Variants in GSK3B observed in about 807,000 individuals in gnomAD.
The protein encoded by GSK3B is glycogen synthase kinase 3 beta, also known as glycogen synthase kinase-3 beta.
In GSK3B, 15 loss-of-function variants were observed where a neutral mutation model predicts 56.4. That is an observed-to-expected ratio of 0.27 (90% CI 0.18 to 0.41). GSK3B has a LOEUF of 0.41. GSK3B is among the 10% of genes least tolerant of loss of function. The pLI is 1.00. For missense variants in GSK3B, 300 were observed against 513.4 expected (o/e 0.58, Z 4.02); for synonymous variants, 181 against 188.9 (o/e 0.96, Z 0.34).
intron 3 of GSK3B, among the ~76,000 whole-genome samples, chr3:119,934,193 G>A (rs1423595146): frequency 6.6e-6 from 1 of 152,212 alleles, no homozygotes; most frequent in Non-Finnish European, 1.5e-5. Context: ...TATGGAAAGA[G>A]TGGGGAAAAG....
chr3:120,034,426 T>C (rs2058005171), intron 1 of GSK3B, among the ~76,000 whole-genome samples: 1 of 152,212 alleles, frequency 6.6e-6, no homozygotes, highest in Non-Finnish European at 1.5e-5. Flanking sequence ...GGAGTTAAAC[T>C]TCATTCATTT....
rs992366655 is a variant in GSK3B at position 120,093,896 on chromosome 3, T to C, written c.-462A>G. ...ACGCTTGAAGAGAAAGGGGGATGGG[T>C]AGGAGGGAGGGAGAGGGAGGGAGGG... On this transcript the variant is annotated 5_prime_UTR_variant, in exon 1 of 11. Coordinates refer to ENST00000264235, the MANE Select transcript of GSK3B (RefSeq NM_001146156.2). 1.8e-5 allele frequency: 3 copies of C among 168,498 alleles called. No homozygotes were observed. The highest frequency in any genetic ancestry group is 2.0e-4 in the South Asian group (1 of 5,120). The allele number at this position is 168,498 out of a possible 1,614,324, so 10.4% of individuals were successfully genotyped here.
At chr3:120,004,294 G>A (rs980579607) in intron 1 of GSK3B, among the ~76,000 whole-genome samples, 1 of 152,220 alleles carries the variant, frequency 6.6e-6, no homozygotes, top group Non-Finnish European at 1.5e-5. Flanking sequence ...CACCACAGCT[G>A]AGCAAGGCCT....
intron 9 of GSK3B, among the ~76,000 whole-genome samples, chr3:119,855,283 C>T (rs2056002319): frequency 6.6e-6 from 1 of 152,132 alleles, no homozygotes; most frequent in Non-Finnish European, 1.5e-5. Flanking sequence ...AAGGAGATAC[C>T]ATCTCACACC....
intron 10 of GSK3B, among the ~76,000 whole-genome samples, chr3:119,841,269 T>C (rs181936222): frequency 6.6e-6 from 1 of 152,342 alleles, no homozygotes; most frequent in East Asian, 1.9e-4. Context: ...AATCAGGTTA[T>C]ACTAGGCTCC....
At chr3:119,969,770 T>C (rs1576237557) in intron 2 of GSK3B, among the ~76,000 whole-genome samples, 1 of 152,228 alleles carries the variant, frequency 6.6e-6, no homozygotes, top group Non-Finnish European at 1.5e-5. Flanking sequence ...TCTAAACATT[T>C]ATCCACGGTT....
At position 119,826,313 on chromosome 3, in the gene GSK3B, T is replaced by A. The variant is rs2055504496; in HGVS notation, c.*475A>T. ...AGTGACATTTAAGTCCCCGTTGAGT[T>A]ATACCTGCTAAGCTCCCAACCAATT... On this transcript the variant is annotated 3_prime_UTR_variant, in exon 11 of 11. Transcript: ENST00000264235. 3.3e-6 allele frequency: 1 copy of A among 305,256 alleles called. No individual in the cohort carries two copies. Among genetic ancestry groups the A allele is most frequent in the Non-Finnish European group, 6.2e-6 (1 of 161,706 alleles). 18.9% of individuals were successfully genotyped at this position (305,256 alleles called of 1,614,324 possible).
intron 4 of GSK3B, among the ~76,000 whole-genome samples, chr3:119,920,248 C>G (rs1346356696): frequency 6.6e-6 from 1 of 151,928 alleles, no homozygotes. Flanking sequence ...AGGAATTATT[C>G]AATTTTTTTG....
intron 2 of GSK3B, among the ~76,000 whole-genome samples, chr3:119,971,802 A>G (rs896979766): frequency 4.3e-4 from 64 of 150,416 alleles, no homozygotes; most frequent in East Asian, 1.4e-3. Flanking sequence ...TAGTAGAGAC[A>G]GGGTTTCACC....
At position 119,937,160 on chromosome 3, in the gene GSK3B, C is replaced by T. The variant is rs149543937; in HGVS notation, c.366+10108G>A. On this transcript the variant is annotated intron_variant, in intron 3 of 10. Transcript: ENST00000264235. Reference sequence around the variant, plus strand: ...CCAATGGTTTAAAGAAGATAACAGACAACACACTTGCTATAGTTTGGACTG... The same window carrying T: ...CCAATGGTTTAAAGAAGATAACAGATAACACACTTGCTATAGTTTGGACTG... 1.6e-3 allele frequency among the ~76,000 whole-genome samples: 246 copies of T among 152,168 alleles called. 9 individuals carry two copies. The highest frequency in any genetic ancestry group is 5.7e-3 in the African/African-American group (235 of 41,442).
At chr3:119,953,582 C>T (rs1286009920) in intron 2 of GSK3B, among the ~76,000 whole-genome samples, 1 of 152,150 alleles carries the variant, frequency 6.6e-6, no homozygotes, top group Non-Finnish European at 1.5e-5. Flanking sequence ...AAGATAAAGT[C>T]TAAATCACTT....
Position 120,015,649 on chromosome 3 carries a change from C to CAA in GSK3B, c.89-13412_89-13411dup, listed in dbSNP as rs61520236. Among the ~76,000 whole-genome samples, 54 of 46,944 alleles carry CAA rather than the reference C, an allele frequency of 1.2e-3. 4 individuals carry two copies. Among genetic ancestry groups the CAA allele is most frequent in the East Asian group, 1.6e-3 (2 of 1,266 alleles). 30.8% of individuals were successfully genotyped at this position (46,944 alleles called of 152,430 possible). The stretch of plus-strand genomic sequence containing the variant: ...TGGGAGACAGGGTGAGACTCTGTCT[C>CAA]AAAAAAAAAAAAAAAAAAAAAAAAA... On this transcript the variant is annotated intron_variant, in intron 1 of 10. Coordinates refer to ENST00000264235, the MANE Select transcript of GSK3B (RefSeq NM_001146156.2).
At chr3:120,067,463 G>A (rs181665349) in intron 1 of GSK3B, among the ~76,000 whole-genome samples, 20 of 151,984 alleles carry the variant, frequency 1.3e-4, no homozygotes, top group African/African-American at 4.8e-4. Context: ...GCCTATAGTT[G>A]GGCAAAATCA....
chr3:119,934,045 A>G (rs1386916417), intron 3 of GSK3B, among the ~76,000 whole-genome samples: 1 of 152,234 alleles, frequency 6.6e-6, no homozygotes, highest in African/African-American at 2.4e-5. Flanking sequence ...TACATGGGGG[A>G]AAAGAGACAT....
Position 120,024,811 on chromosome 3 carries a change from G to C in GSK3B, c.89-22572C>G, listed in dbSNP as rs149070189. ...TCTGAAATGTGTGAGAGGGTAGGGGGAGGAGGGAAGCAATGGAGTGGGAAG... is the reference window on the plus strand; with the variant it reads ...TCTGAAATGTGTGAGAGGGTAGGGGCAGGAGGGAAGCAATGGAGTGGGAAG... On this transcript the variant is annotated intron_variant, in intron 1 of 10. Transcript: ENST00000264235. 4.2e-3 allele frequency among the ~76,000 whole-genome samples: 647 copies of C among 152,276 alleles called. 1 individual carries two copies. The highest frequency in any genetic ancestry group is 0.015 in the African/African-American group (612 of 41,548).
In GSK3B at chr3:120,093,938, G is replaced by A. The variant is rs896983783; in HGVS notation, c.-504C>T. On this transcript the variant is annotated 5_prime_UTR_variant, in exon 1 of 11. Coordinates refer to ENST00000264235, the MANE Select transcript of GSK3B (RefSeq NM_001146156.2). ...GAGGGAGGGGGTGGCTCGGAGATGCGACGGGAAACGCTGCAGCTCCGGCAA... is the reference window on the plus strand; with the variant it reads ...GAGGGAGGGGGTGGCTCGGAGATGCAACGGGAAACGCTGCAGCTCCGGCAA... 1.4e-5 allele frequency: 3 copies of A among 212,692 alleles called. No homozygotes were observed. Among genetic ancestry groups the A allele is most frequent in the Non-Finnish European group, 2.9e-5 (3 of 104,542 alleles). The allele number at this position is 212,692 out of a possible 1,614,324, so 13.2% of individuals were successfully genotyped here. A position where few individuals can be genotyped will look rare whatever the true frequency, so the allele number is the denominator to read the frequency against.
intron 8 of GSK3B, chr3:119,866,623 C>A (rs200536812): frequency 1.2e-6 from 2 of 1,601,916 alleles, no homozygotes; most frequent in Non-Finnish European, 1.7e-6. Context: ...CTGTTCCTGA[C>A]GAATCCTAAA....
In GSK3B at chr3:119,825,530, A is replaced by G. The variant is rs914730648; in HGVS notation, c.*1258T>C. ...ATATATAACATATATACACACATTT[A>G]TATCATCAGCTTTCCTATAAAGTCA... On this transcript the variant is annotated 3_prime_UTR_variant, in exon 11 of 11. Coordinates refer to ENST00000264235, the MANE Select transcript of GSK3B (RefSeq NM_001146156.2). 1 of 228,186 alleles carries G rather than the reference A, an allele frequency of 4.4e-6. No homozygotes were observed. The highest frequency in any genetic ancestry group is 2.2e-5 in the African/African-American group (1 of 45,058). The allele number at this position is 228,186 out of a possible 1,614,324, so 14.1% of individuals were successfully genotyped here.
At chr3:120,009,165 A>G (rs2057756382) in intron 1 of GSK3B, among the ~76,000 whole-genome samples, 1 of 152,238 alleles carries the variant, frequency 6.6e-6, no homozygotes, top group Non-Finnish European at 1.5e-5. Flanking sequence ...AATAGCGATC[A>G]TTAAAAAGTC....
Sources: gnomAD v4.1 joint callset for allele counts (sites outside exome capture counted in the v4.1 genomes callset) on GRCh38, gnomAD v4.1.1 for gene constraint, MANE v1.5 for transcripts, NCBI Gene and HGNC (gene_info 2026-07-23, HGNC 2026-07-21) for gene names.